CPNE4: variants seen among roughly 807,000 people sequenced by gnomAD.
The protein encoded by CPNE4 is copine-4.
CPNE4 carries 25 observed loss-of-function variants against 67.9 expected under a neutral mutation model. The observed-to-expected ratio is 0.37, with a 90% confidence interval of 0.27 to 0.51. The LOEUF is 0.51. CPNE4 is among the 20% of genes least tolerant of loss of function. The pLI is 0.93. For synonymous variants in CPNE4, 242 were observed against 244.9 expected (o/e 0.99, Z 0.11); for missense variants, 464 against 690.8 (o/e 0.67, Z 3.68).
intron 1 of CPNE4, among the ~76,000 whole-genome samples, chr3:131,972,252 A>G (rs2072523058): frequency 6.6e-6 from 1 of 152,204 alleles, no homozygotes; most frequent in African/African-American, 2.4e-5. Context: ...TGGCGCACAA[A>G]GGTCTCACTG....
At chr3:131,942,457 TGTGTGTGAGAGA>T (rs1339321633) in intron 1 of CPNE4, among the ~76,000 whole-genome samples, 51 of 60,972 alleles carry the variant, frequency 8.4e-4, no homozygotes, top group Non-Finnish European at 1.3e-3. Context: ...TGTGTGTGTG[TGTGTGTGAGAGA>T]GAGAGAGAGA....
At chr3:131,633,990 T>G (rs2079309004) in intron 7 of CPNE4, among the ~76,000 whole-genome samples, 1 of 152,168 alleles carries the variant, frequency 6.6e-6, no homozygotes, top group South Asian at 2.1e-4. Flanking sequence ...CATATATAAT[T>G]ATTTCCATAG....
intron 2 of CPNE4, among the ~76,000 whole-genome samples, chr3:131,846,039 A>T (rs919628401): frequency 6.6e-6 from 1 of 152,210 alleles, no homozygotes; most frequent in African/African-American, 2.4e-5. Flanking sequence ...ATAGAGGTCA[A>T]TAGCACAAGG....
intron 3 of CPNE4, among the ~76,000 whole-genome samples, chr3:131,719,695 G>A (rs1428480842): frequency 6.6e-6 from 1 of 152,114 alleles, no homozygotes; most frequent in Non-Finnish European, 1.5e-5. Flanking sequence ...AGATAGAGTG[G>A]GTCCCAGGTA....
At chr3:131,656,456 G>A (rs938383320) in intron 7 of CPNE4, among the ~76,000 whole-genome samples, 3 of 152,138 alleles carry the variant, frequency 2.0e-5, no homozygotes, top group African/African-American at 4.8e-5. Context: ...TCTTTAAAAG[G>A]TGAGACCAAA....
At chr3:131,950,680 T>G (rs1423861627) in intron 1 of CPNE4, among the ~76,000 whole-genome samples, 1 of 152,238 alleles carries the variant, frequency 6.6e-6, no homozygotes, top group Non-Finnish European at 1.5e-5. Context: ...GAGGACCGAC[T>G]ATACTTACAA....
chr3:131,939,946 T>C (rs1455125855), intron 1 of CPNE4, among the ~76,000 whole-genome samples: 2 of 151,964 alleles, frequency 1.3e-5, no homozygotes, highest in Non-Finnish European at 2.9e-5. Context: ...GCACAAAGAG[T>C]TGGAGTAACT....
intron 7 of CPNE4, among the ~76,000 whole-genome samples, chr3:131,596,082 A>T (rs1938825814): frequency 6.6e-6 from 1 of 152,200 alleles, no homozygotes; most frequent in Non-Finnish European, 1.5e-5. Flanking sequence ...CTTACAGTGA[A>T]CAGTATAGTA....
chr3:132,002,533 A>G (rs888750297), intron 1 of CPNE4, among the ~76,000 whole-genome samples: 2 of 152,148 alleles, frequency 1.3e-5, no homozygotes, highest in African/African-American at 4.8e-5. Context: ...ATGACAAGAA[A>G]GTCTTTATTA....
At chr3:131,828,985 A>G (rs2085270584) in intron 2 of CPNE4, among the ~76,000 whole-genome samples, 1 of 152,236 alleles carries the variant, frequency 6.6e-6, no homozygotes, top group Non-Finnish European at 1.5e-5. Flanking sequence ...AAAGAGGTTT[A>G]TTGGACTTAA....
At chr3:131,792,728 T>TGTGTATATATGTATATATAC (rs1553772325) in intron 2 of CPNE4, among the ~76,000 whole-genome samples, 7 of 93,548 alleles carry the variant, frequency 7.5e-5, no homozygotes, top group Non-Finnish European at 1.4e-4. Flanking sequence ...TGTATATATA[T>TGTGTATATATGTATATATAC]ACACGTGTGT....
chr3:131,620,813 C>A (rs552665483), intron 7 of CPNE4, among the ~76,000 whole-genome samples: 1 of 152,298 alleles, frequency 6.6e-6, no homozygotes, highest in African/African-American at 2.4e-5. Context: ...GCAAATGATT[C>A]TTTCCTAGAG....
intron 2 of CPNE4, among the ~76,000 whole-genome samples, chr3:131,875,045 G>A (rs555332910): frequency 6.1e-4 from 93 of 152,252 alleles, no homozygotes; most frequent in African/African-American, 2.0e-3. Context: ...CAATACTCCT[G>A]TTGTACAAAC....
intron 7 of CPNE4, among the ~76,000 whole-genome samples, chr3:131,615,319 T>C (rs1178774401): frequency 3.3e-5 from 5 of 152,168 alleles, no homozygotes. Flanking sequence ...AAAGCCCTGG[T>C]CTCATGGAAT....
intron 7 of CPNE4, among the ~76,000 whole-genome samples, chr3:131,613,962 AAG>A (rs1459211028): frequency 6.6e-6 from 1 of 152,162 alleles, no homozygotes; most frequent in Non-Finnish European, 1.5e-5. Context: ...AAACTTAATT[AAG>A]AGTTTGGTGG....
At chr3:131,771,312 T>C (rs147171031) in intron 2 of CPNE4, among the ~76,000 whole-genome samples, 10 of 152,276 alleles carry the variant, frequency 6.6e-5, no homozygotes, top group African/African-American at 2.2e-4. Flanking sequence ...GTCACTGTTA[T>C]AGTTGGTATG....
rs201910300 is a variant in CPNE4, at chr3:132,005,342, T to C, written c.-2+29225A>G. On this transcript the variant is annotated intron_variant, in intron 1 of 15. Coordinates refer to ENST00000429747, the MANE Select transcript of CPNE4 (RefSeq NM_130808.3). Reference sequence around the variant, plus strand: ...ATATATATATATATATATATATATATACACACACACACACACACACACACA... The same window carrying C: ...ATATATATATATATATATATATATACACACACACACACACACACACACACA... Among the ~76,000 whole-genome samples the C allele has an allele frequency of 6.9e-4, 60 of 86,486 alleles. 1 individual carries two copies. In the East Asian group the frequency reaches 0.011, roughly 16 times the overall value. 56.7% of individuals were successfully genotyped at this position (86,486 alleles called of 152,430 possible). A position where few individuals can be genotyped will look rare whatever the true frequency, so the allele number is the denominator to read the frequency against.
chr3:131,869,831 T>C (rs949680696), intron 2 of CPNE4, among the ~76,000 whole-genome samples: 16 of 152,268 alleles, frequency 1.1e-4, no homozygotes, highest in African/African-American at 3.6e-4. Context: ...GCCAACAACA[T>C]ACCAGGCTGT....
chr3:131,745,038 A>G (rs773673242), intron 2 of CPNE4, among the ~76,000 whole-genome samples: 5 of 152,162 alleles, frequency 3.3e-5, no homozygotes, highest in Non-Finnish European at 7.4e-5. Flanking sequence ...ATACCAATTT[A>G]CATTCCCATT....
Sources: gnomAD v4.1 joint callset for allele counts (sites outside exome capture counted in the v4.1 genomes callset) on GRCh38, gnomAD v4.1.1 for gene constraint, MANE v1.5 for transcripts, NCBI Gene and HGNC (gene_info 2026-07-23, HGNC 2026-07-21) for gene names.